Variants in CEP83 observed in about 807,000 individuals in gnomAD.
CEP83 encodes centrosomal protein of 83 kDa.
CEP83 carries 70 observed loss-of-function variants against 101.9 expected under a neutral mutation model. The ratio of observed to expected loss-of-function variants is 0.69; its 90% CI spans 0.57 to 0.84. The LOEUF (loss-of-function observed/expected upper bound fraction) is 0.84, where lower values mean the gene tolerates loss of function less well. CEP83 is among the 40% of genes least tolerant of loss of function. The pLI, the probability that CEP83 is intolerant of heterozygous loss-of-function variation, is 0.00. For synonymous variants in CEP83, 264 were observed against 267.9 expected, an observed-to-expected ratio of 0.99 and a Z score of 0.14; for missense variants, 715 against 787.2, an observed-to-expected ratio of 0.91 and a Z score of 1.10.
the CEP83 span, among the ~76,000 whole-genome samples, chr12:94,299,627 T>G: frequency 6.6e-6 from 1 of 151,886 alleles, no homozygotes; most frequent in Non-Finnish European, 1.5e-5. Flanking sequence ...TGGTGGGATC[T>G]CGGTTCACTG....
At chr12:94,271,442 C>G in the CEP83 span, among the ~76,000 whole-genome samples, 1 of 152,180 alleles carries the variant, frequency 6.6e-6, no homozygotes, top group Admixed American at 6.5e-5. Context: ...TCCTCAATAC[C>G]CAAAACCACC....
intron 6 of CEP83, among the ~76,000 whole-genome samples, chr12:94,383,462 C>T (rs1328106767): frequency 6.6e-6 from 1 of 152,008 alleles, no homozygotes; most frequent in Non-Finnish European, 1.5e-5. Context: ...AACCATATGT[C>T]ATAAGGAGCA....
At chr12:94,409,000 T>G (rs957064435) in intron 4 of CEP83, among the ~76,000 whole-genome samples, 3 of 152,034 alleles carry the variant, frequency 2.0e-5, no homozygotes, top group Non-Finnish European at 4.4e-5. Context: ...TCTTATATCT[T>G]TTTCCTATAA....
At chr12:94,401,065 A>C (rs2063224883) in intron 5 of CEP83, 84 bp from the exon 6 acceptor site, 2 of 714,060 alleles carry the variant, frequency 2.8e-6, no homozygotes, top group Non-Finnish European at 4.0e-6. Context: ...ATAATTTTAA[A>C]TTACATTATA....
intron 11 of CEP83, among the ~76,000 whole-genome samples, chr12:94,341,224 CAAAAG>C (rs966645704): frequency 2.6e-5 from 4 of 151,564 alleles, no homozygotes; most frequent in East Asian, 1.9e-4. Flanking sequence ...ACACTTTCAT[CAAAAG>C]AAAAGACTGG....
chr12:94,422,759 A>G (rs367885347), intron 2 of CEP83, among the ~76,000 whole-genome samples: 3 of 152,314 alleles, frequency 2.0e-5, no homozygotes, highest in East Asian at 3.9e-4. Context: ...TGTGAGATTC[A>G]CCTATGTTTT....
At chr12:94,387,530 C>G (rs544606920) in intron 6 of CEP83, among the ~76,000 whole-genome samples, 2 of 152,134 alleles carry the variant, frequency 1.3e-5, no homozygotes, top group Non-Finnish European at 2.9e-5. Flanking sequence ...GCACCAGGGA[C>G]TTTGGGGACC....
downstream of CEP83, chr12:94,307,585 A>G (rs1224353079): frequency 6.6e-6 from 1 of 151,990 alleles, no homozygotes; most frequent in African/African-American, 2.4e-5. Context: ...TTTAAAGTCT[A>G]TTTCTTATTG....
At chr12:94,288,770 G>A in the CEP83 span, among the ~76,000 whole-genome samples, 3 of 152,242 alleles carry the variant, frequency 2.0e-5, no homozygotes, top group Non-Finnish European at 4.4e-5. Flanking sequence ...TACTGACGGA[G>A]GGAGAGCAAT....
In CEP83 at chr12:94,436,114, T is replaced by G. The variant is rs529047578; in HGVS notation, c.-154-787A>C. 1.8e-4 allele frequency among the ~76,000 whole-genome samples: 28 copies of G among 151,808 alleles called. No homozygotes were observed. In the South Asian group the frequency reaches 5.4e-3, roughly 29 times the overall value. On this transcript the variant is annotated intron_variant, in intron 1 of 16. Transcript: ENST00000397809. The stretch of plus-strand genomic sequence containing the variant: ...GTCCTTCAGTTCTAGATCTTTCCAC[T>G]GAAACATACAAATAAAAAGGAACCA...
chr12:94,447,560 C>T (rs1412405832), intron 1 of CEP83, among the ~76,000 whole-genome samples: 1 of 152,122 alleles, frequency 6.6e-6, no homozygotes, highest in Non-Finnish European at 1.5e-5. Flanking sequence ...ACTGTAATTA[C>T]ATCAGTAAAT....
At chr12:94,424,795 T>C (rs2065055572) in intron 2 of CEP83, 16 of 1,609,348 alleles carry the variant, frequency 9.9e-6, no homozygotes, top group East Asian at 6.7e-5. Flanking sequence ...CTCGGATGTA[T>C]AGGTTGGTTT....
downstream of CEP83, chr12:94,304,089 C>T: frequency 1.0e-5 from 13 of 1,252,334 alleles, no homozygotes; most frequent in Non-Finnish European, 1.5e-5. Flanking sequence ...ACCTTTGAAT[C>T]AGGCACAAGG....
chr12:94,333,448 A>G (rs777613112), intron 13 of CEP83, 34 bp downstream of exon 13: 5 of 1,579,954 alleles, frequency 3.2e-6, no homozygotes, highest in Non-Finnish European at 4.3e-6. Context: ...TAGAAAAAAG[A>G]AAAAATAGTT....
intron 4 of CEP83, among the ~76,000 whole-genome samples, chr12:94,405,132 A>C (rs951408674): frequency 1.3e-5 from 2 of 152,188 alleles, no homozygotes; most frequent in Non-Finnish European, 2.9e-5. Context: ...CAAGAGTCCA[A>C]ACTAAGATGA....
rs564895619 is a variant in CEP83 at position 94,439,818 on chromosome 12, C to T, written c.-154-4491G>A. Among the ~76,000 whole-genome samples the T allele has an allele frequency of 7.2e-5, 11 of 152,266 alleles. No individual in the cohort carries two copies. The South Asian group carries it at 2.3e-3, about 32-fold the overall frequency. ...CAAAATACTAGCTAACCAAGTCCAA[C>T]AGCATGTCAAAAAGAAAATACACCA... On this transcript the variant is annotated intron_variant, in intron 1 of 16. Transcript: ENST00000397809.
At chr12:94,427,763 G>T (rs1046787041) in intron 2 of CEP83, among the ~76,000 whole-genome samples, 1 of 151,926 alleles carries the variant, frequency 6.6e-6, no homozygotes, top group Non-Finnish European at 1.5e-5. Context: ...AAAGTCTAGG[G>T]AGGACCTACA....
At chr12:94,331,616 C>A (rs765380058) in intron 14 of CEP83, 84 bp downstream of exon 14, 9 of 1,203,796 alleles carry the variant, frequency 7.5e-6, no homozygotes, top group Non-Finnish European at 1.1e-5. Context: ...TCGTGATCCA[C>A]CTGCCTCCGC....
At chr12:94,267,329 C>A in the CEP83 span, among the ~76,000 whole-genome samples, 1 of 152,160 alleles carries the variant, frequency 6.6e-6, no homozygotes, top group Admixed American at 6.5e-5. Context: ...TACATCTGAA[C>A]GTGTTTTCTC....
Sources: gnomAD v4.1 joint callset for allele counts (sites outside exome capture counted in the v4.1 genomes callset) on GRCh38, gnomAD v4.1.1 for gene constraint, MANE v1.5 for transcripts, NCBI Gene and HGNC (gene_info 2026-07-23, HGNC 2026-07-21) for gene names.